Variants in MYO5B observed in about 807,000 individuals in gnomAD.
MYO5B encodes myosin VB.
Under a neutral mutation model 229.3 loss-of-function variants are expected in MYO5B, and 143 were observed. The ratio of observed to expected loss-of-function variants is 0.62; its 90% CI spans 0.54 to 0.72. The LOEUF (loss-of-function observed/expected upper bound fraction) is 0.72, where lower values mean the gene tolerates loss of function less well. Among genes scored for constraint, MYO5B ranks in the 30% least tolerant of loss-of-function variants. The probability of loss-of-function intolerance (pLI) is 0.00; values close to 1 mark genes in which losing one functional copy is unlikely to be tolerated. For synonymous variants in MYO5B, 918 were observed against 885.2 expected (o/e 1.04, Z -0.66); for missense variants, 2,321 against 2,331.0 (o/e 1.00, Z 0.09).
At chr18:50,085,714 A>G (rs1037505845) in intron 1 of MYO5B, among the ~76,000 whole-genome samples, 100 of 152,270 alleles carry the variant, frequency 6.6e-4, no homozygotes, top group African/African-American at 2.2e-3. Context: ...GCACATATAC[A>G]CCATGGAATA....
chr18:50,034,668 T>G (rs2026428597), intron 4 of MYO5B, among the ~76,000 whole-genome samples: 2 of 151,960 alleles, frequency 1.3e-5, no homozygotes, highest in African/African-American at 4.8e-5. Flanking sequence ...CACTTGAACC[T>G]GGGGGGCGGA....
chr18:49,968,181 A>G (rs1302737536), intron 10 of MYO5B, among the ~76,000 whole-genome samples: 1 of 152,172 alleles, frequency 6.6e-6, no homozygotes, highest in Non-Finnish European at 1.5e-5. Context: ...TATGTGTTGT[A>G]GGCTTTTAAA....
chr18:50,096,372 A>G (rs2031551378), intron 1 of MYO5B, among the ~76,000 whole-genome samples: 1 of 151,964 alleles, frequency 6.6e-6, no homozygotes. Flanking sequence ...ATTCTGACTC[A>G]AGTGTTTGCT....
chr18:49,994,236 C>T (rs944944137), intron 5 of MYO5B, among the ~76,000 whole-genome samples: 1 of 152,206 alleles, frequency 6.6e-6, no homozygotes, highest in Non-Finnish European at 1.5e-5. Flanking sequence ...CCTCTGTGTT[C>T]ATGAGGGCAA....
In MYO5B at chr18:49,835,395, G is replaced by T; in HGVS notation, c.5343C>A (p.Pro1781=). ...QIVKILNLYT[P]LNEFEERVTV... is the part of the protein sequence containing the mutation. ...TTACCCGTTCTTCAAATTCATTCAG[G>T]GGAGTATAAAGGTTTAAAATTTTGA... The change falls in exon 39 of 40, where the codon CCC becomes CCA. Residue 1781 remains proline (P), a synonymous_variant. Transcript: ENST00000285039. 1 of 1,612,588 alleles carries T rather than the reference G, an allele frequency of 6.2e-7. No individual in the cohort carries two copies. Among genetic ancestry groups the T allele is most frequent in the Non-Finnish European group, 8.5e-7 (1 of 1,179,590 alleles).
intron 1 of MYO5B, among the ~76,000 whole-genome samples, chr18:50,063,612 G>A (rs1007242741): frequency 9.9e-5 from 15 of 152,136 alleles, no homozygotes; most frequent in African/African-American, 2.7e-4. Flanking sequence ...GCTCTGATGC[G>A]GTAACTGCAT....
At chr18:49,953,165 C>T (rs2025447710) in intron 14 of MYO5B, 95 bp downstream of exon 14, 1 of 1,199,580 alleles carries the variant, frequency 8.3e-7, no homozygotes, top group Admixed American at 1.7e-5. Flanking sequence ...CCCAGCATCT[C>T]TGTCTTTCCA....
intron 23 of MYO5B, among the ~76,000 whole-genome samples, chr18:49,879,754 T>C (rs2024566382): frequency 6.6e-6 from 1 of 152,176 alleles, no homozygotes; most frequent in Admixed American, 6.5e-5. Context: ...GGACTCTCCC[T>C]GCTCCTCCAC....
intron 1 of MYO5B, among the ~76,000 whole-genome samples, chr18:50,142,363 C>T (rs1049134556): frequency 6.6e-6 from 1 of 152,206 alleles, no homozygotes; most frequent in African/African-American, 2.4e-5. Flanking sequence ...ATCCCATGGT[C>T]ATGTCCAAGT....
rs71169481 is a variant in MYO5B, at chr18:50,122,439, T to TAAAA, written c.28-67065_28-67062dup. On this transcript the variant is annotated intron_variant, in intron 1 of 39. Coordinates refer to ENST00000285039, the MANE Select transcript of MYO5B (RefSeq NM_001080467.3). Reference sequence around the variant, plus strand: ...CAACATGGTGAAACCCTGTCTCAACTAAAAAAAAAAAAAAAAAAAAAATCA... The same window carrying TAAAA: ...CAACATGGTGAAACCCTGTCTCAACTAAAAAAAAAAAAAAAAAAAAAAAAAATCA... Among the ~76,000 whole-genome samples, 58 of 41,888 alleles carry TAAAA rather than the reference T, an allele frequency of 1.4e-3. 12 individuals are homozygous for TAAAA. The highest frequency in any genetic ancestry group is 3.2e-3 in the African/African-American group (31 of 9,564). 27.5% of individuals were successfully genotyped at this position (41,888 alleles called of 152,430 possible). A position where few individuals can be genotyped will look rare whatever the true frequency, so the allele number is the denominator to read the frequency against.
intron 1 of MYO5B, among the ~76,000 whole-genome samples, chr18:50,122,634 GGAGAGAGAGAGAGAGAGAGA>G (rs778675940): frequency 0.085 from 775 of 9,086 alleles, 24 homozygotes; most frequent in Non-Finnish European, 0.14. Flanking sequence ...GAAGGGGGGG[GGAGAGAGAGAGAGAGAGAGA>G]GAGAGAGAGA....
At chr18:49,875,591 C>A (rs765507340) in intron 26 of MYO5B, 96 bp downstream of exon 26, 2 of 1,536,474 alleles carry the variant, frequency 1.3e-6, no homozygotes, top group Non-Finnish European at 1.8e-6. Flanking sequence ...GGAGCACAAT[C>A]CCATGTGGTC....
At chr18:50,116,843 C>T (rs1477131087) in intron 1 of MYO5B, among the ~76,000 whole-genome samples, 1 of 135,424 alleles carries the variant, frequency 7.4e-6, no homozygotes, top group Non-Finnish European at 1.6e-5. Context: ...CACTGAGTTA[C>T]CAAAAAAAAA....
rs77452348 is a variant in MYO5B, at chr18:50,014,574, C to T, written c.456-13163G>A. On this transcript the variant is annotated intron_variant, in intron 4 of 39. Transcript: ENST00000285039. Reference sequence around the variant, plus strand: ...GTTCACTGTAATGCGGCACCTACCGCCCTATCTCCTGCAGTAAATGAAGCC... The same window carrying T: ...GTTCACTGTAATGCGGCACCTACCGTCCTATCTCCTGCAGTAAATGAAGCC... 9.9e-3 allele frequency among the ~76,000 whole-genome samples: 1,505 copies of T among 152,306 alleles called. 21 individuals carry two copies. The highest frequency in any genetic ancestry group is 0.034 in the African/African-American group (1,405 of 41,566).
At chr18:50,009,322 G>A (rs2026137205) in intron 4 of MYO5B, among the ~76,000 whole-genome samples, 1 of 152,166 alleles carries the variant, frequency 6.6e-6, no homozygotes, top group South Asian at 2.1e-4. Flanking sequence ...AGGTTGCAGT[G>A]AGCCGAGATT....
intron 4 of MYO5B, among the ~76,000 whole-genome samples, chr18:50,003,814 C>G (rs151274467): frequency 6.8e-4 from 104 of 152,268 alleles, no homozygotes; most frequent in African/African-American, 2.4e-3. Context: ...ATCAAAGAAC[C>G]AGTTAGAATG....
intron 1 of MYO5B, among the ~76,000 whole-genome samples, chr18:50,087,181 C>T (rs2031347990): frequency 6.6e-6 from 1 of 152,186 alleles, no homozygotes; most frequent in Non-Finnish European, 1.5e-5. Flanking sequence ...CCAGGTAGGA[C>T]TTCGATGTTT....
At chr18:49,855,117 T>C (rs1336950850) in intron 30 of MYO5B, among the ~76,000 whole-genome samples, 1 of 152,220 alleles carries the variant, frequency 6.6e-6, no homozygotes, top group Non-Finnish European at 1.5e-5. Flanking sequence ...GTAAGCACAT[T>C]AAAAGTAGTC....
intron 14 of MYO5B, among the ~76,000 whole-genome samples, chr18:49,948,212 G>C (rs3112029): frequency 1 from 152,388 of 152,388 alleles, 76,194 homozygotes; most frequent in Non-Finnish European, 1. Flanking sequence ...AACAGTTTGG[G>C]TGGTGTCTCT....
Sources: allele counts gnomAD v4.1 joint callset (sites outside exome capture counted in the v4.1 genomes callset), GRCh38; gene constraint gnomAD v4.1.1; transcripts MANE v1.5; gene names NCBI Gene and HGNC (gene_info 2026-07-23, HGNC 2026-07-21).